CNTN5: variants seen among roughly 807,000 people sequenced by gnomAD.
CNTN5 encodes contactin 5, also known as contactin-5.
Under a neutral mutation model 129.1 loss-of-function variants are expected in CNTN5, and 77 were observed. That is an observed-to-expected ratio of 0.60 (90% CI 0.50 to 0.72). CNTN5 has a LOEUF of 0.72. CNTN5 is among the 30% of genes least tolerant of loss of function. The pLI is 0.00. For synonymous variants in CNTN5, 509 were observed against 465.6 expected (o/e 1.09, Z -1.20); for missense variants, 1,478 against 1,328.8 (o/e 1.11, Z -1.75).
At position 99,111,141 on chromosome 11, in the gene CNTN5, A is replaced by G. The variant is rs78945678; in HGVS notation, c.-210+89871A>G. On this transcript the variant is annotated intron_variant, in intron 1 of 24. Transcript: ENST00000524871. The stretch of plus-strand genomic sequence containing the variant: ...TGAGAATTTAAGATGCTATTAAAAT[A>G]TTATCAATAATTTCAATATGGTGAA... 7.5e-3 allele frequency among the ~76,000 whole-genome samples: 1,147 copies of G among 152,286 alleles called. 18 individuals are homozygous for G. The highest frequency in any genetic ancestry group is 0.025 in the African/African-American group (1,047 of 41,576).
At chr11:99,981,077 G>GAGATACAT (rs1555171289) in intron 8 of CNTN5, among the ~76,000 whole-genome samples, 2 of 57,594 alleles carry the variant, frequency 3.5e-5, no homozygotes, top group East Asian at 1.2e-3. Context: ...GAGCCAATAG[G>GAGATACAT]ATATATATAT....
At chr11:99,338,588 C>T (rs964186811) in intron 2 of CNTN5, among the ~76,000 whole-genome samples, 1 of 151,740 alleles carries the variant, frequency 6.6e-6, no homozygotes, top group African/African-American at 2.4e-5. Flanking sequence ...TTTTAATCTC[C>T]CTGATTCTGT....
At chr11:99,652,523 G>A (rs1338670595) in intron 3 of CNTN5, among the ~76,000 whole-genome samples, 5 of 151,950 alleles carry the variant, frequency 3.3e-5, no homozygotes, top group African/African-American at 4.8e-5. Context: ...TACATCTCAC[G>A]ATCCTGTCAA....
chr11:99,384,743 T>C (rs1350239850), intron 2 of CNTN5, among the ~76,000 whole-genome samples: 1 of 152,208 alleles, frequency 6.6e-6, no homozygotes, highest in South Asian at 2.1e-4. Context: ...CTTTACTATA[T>C]GTTTGCTTTT....
Position 99,538,363 on chromosome 11 carries a change from A to G in CNTN5, c.-70-17782A>G, listed in dbSNP as rs557731338. ...AGTCTGTTTTAATAATAGGACGAAT[A>G]AAAAGATTTCCAATCCACTTCAATG... On this transcript the variant is annotated intron_variant, in intron 2 of 24. Coordinates refer to ENST00000524871, the MANE Select transcript of CNTN5 (RefSeq NM_014361.4). Among the ~76,000 whole-genome samples, 5 of 152,260 alleles carry G rather than the reference A, an allele frequency of 3.3e-5. No homozygotes were observed. The East Asian group carries it at 9.7e-4, about 29-fold the overall frequency.
intron 1 of CNTN5, among the ~76,000 whole-genome samples, chr11:99,116,865 A>G (rs564376151): frequency 1.3e-5 from 2 of 152,288 alleles, no homozygotes; most frequent in African/African-American, 4.8e-5. Flanking sequence ...AGGGCATCCA[A>G]GTAAATAGAG....
chr11:99,792,128 A>T (rs935694799), intron 3 of CNTN5, among the ~76,000 whole-genome samples: 3 of 152,064 alleles, frequency 2.0e-5, no homozygotes, highest in African/African-American at 4.8e-5. Flanking sequence ...AGGATCTCCA[A>T]TACTATGTTT....
intron 2 of CNTN5, among the ~76,000 whole-genome samples, chr11:99,505,261 A>G (rs1946575224): frequency 1.3e-5 from 2 of 152,208 alleles, no homozygotes; most frequent in South Asian, 4.1e-4. Flanking sequence ...AACATTTTAA[A>G]AAAAGACATG....
Position 99,717,549 on chromosome 11 carries a change from G to A in CNTN5, c.56-101995G>A, listed in dbSNP as rs140777633. On this transcript the variant is annotated intron_variant, in intron 3 of 24. Coordinates refer to ENST00000524871, the MANE Select transcript of CNTN5 (RefSeq NM_014361.4). Reference sequence around the variant, plus strand: ...GTTTGCATGTGTGTGTGTTTGTTCAGTTTTGATTGTTTAAATTTTTTAATT... The same window carrying A: ...GTTTGCATGTGTGTGTGTTTGTTCAATTTTGATTGTTTAAATTTTTTAATT... Among the ~76,000 whole-genome samples, 397 of 152,074 alleles carry A rather than the reference G, an allele frequency of 2.6e-3. 2 individuals are homozygous for A. Among genetic ancestry groups the A allele is most frequent in the African/African-American group, 8.2e-3 (340 of 41,530 alleles).
intron 2 of CNTN5, among the ~76,000 whole-genome samples, chr11:99,348,379 A>G (rs977773055): frequency 1.3e-5 from 2 of 152,220 alleles, no homozygotes; most frequent in Non-Finnish European, 2.9e-5. Context: ...GAAGTAATTC[A>G]AGTATGACTG....
At chr11:100,069,140 T>C (rs1169467761) in intron 10 of CNTN5, among the ~76,000 whole-genome samples, 1 of 151,984 alleles carries the variant, frequency 6.6e-6, no homozygotes, top group Non-Finnish European at 1.5e-5. Flanking sequence ...CATGCATGTG[T>C]AGTTTTCTTT....
In CNTN5 at chr11:100,061,221, A is replaced by G. The variant is rs1943462868; in HGVS notation, c.990A>G (p.Pro330=). 6.2e-7 allele frequency: 1 copy of G among 1,608,342 alleles called. No homozygotes were observed. Among genetic ancestry groups the G allele is most frequent in the African/African-American group, 1.3e-5 (1 of 74,970 alleles). ...MECFALGNPV[P]TITWMKVNGY... ...TTGTTCCCTATCGTAGCCCCGTTCC[A>G]ACAATCACATGGATGAAGGTTAATG... The change falls in exon 10 of 25, where the codon CCA becomes CCG. Residue 330 remains proline, a synonymous_variant. Transcript: ENST00000524871.
At position 99,962,870 on chromosome 11, in the gene CNTN5, T is replaced by G. The variant is rs553053748; in HGVS notation, c.877+5861T>G. 3.1e-3 allele frequency among the ~76,000 whole-genome samples: 460 copies of G among 150,810 alleles called. 3 individuals are homozygous for G. Among genetic ancestry groups the G allele is most frequent in the Non-Finnish European group, 5.2e-3 (353 of 67,822 alleles). ...CCATTCTAACTGGTGTGAGATGATA[T>G]CTCATTGTGGTTTTGATTTGCATTT... On this transcript the variant is annotated intron_variant, in intron 8 of 24. Coordinates refer to ENST00000524871, the MANE Select transcript of CNTN5 (RefSeq NM_014361.4).
At position 100,271,066 on chromosome 11, in the gene CNTN5, A is replaced by G. The variant is rs758185209; in HGVS notation, c.2165-26A>G. 7.0e-6 allele frequency: 11 copies of G among 1,567,360 alleles called. No individual in the cohort carries two copies. The East Asian group carries it at 2.0e-4, about 29-fold the overall frequency. Reference sequence around the variant, plus strand: ...TAGCATTTTTCTAGTCCTCATAATGACATGAAATTTCCTTCCTTTCTATAG... The same window carrying G: ...TAGCATTTTTCTAGTCCTCATAATGGCATGAAATTTCCTTCCTTTCTATAG... On this transcript the variant is annotated intron_variant, in intron 17 of 24. Transcript: ENST00000524871.
At chr11:99,776,256 A>T (rs1043790786) in intron 3 of CNTN5, among the ~76,000 whole-genome samples, 2 of 152,006 alleles carry the variant, frequency 1.3e-5, no homozygotes, top group Non-Finnish European at 2.9e-5. Flanking sequence ...AGCATCCTGT[A>T]GGAGTACAGA....
At chr11:99,843,179 G>C (rs969902921) in intron 4 of CNTN5, among the ~76,000 whole-genome samples, 2 of 152,140 alleles carry the variant, frequency 1.3e-5, no homozygotes, top group African/African-American at 2.4e-5. Flanking sequence ...AGCCAAGATC[G>C]TGCCACTGCT....
At chr11:99,648,322 A>G (rs1952038967) in intron 3 of CNTN5, among the ~76,000 whole-genome samples, 1 of 151,592 alleles carries the variant, frequency 6.6e-6, no homozygotes, top group Non-Finnish European at 1.5e-5. Context: ...AAAAATGTTC[A>G]GCATTACTAA....
chr11:100,274,872 C>A (rs538667195), intron 18 of CNTN5, among the ~76,000 whole-genome samples: 1 of 152,216 alleles, frequency 6.6e-6, no homozygotes, highest in Non-Finnish European at 1.5e-5. Flanking sequence ...CGACCCGATA[C>A]TCCCATTACT....
chr11:99,665,263 T>A (rs1952742036), intron 3 of CNTN5, among the ~76,000 whole-genome samples: 1 of 152,134 alleles, frequency 6.6e-6, no homozygotes, highest in South Asian at 2.1e-4. Context: ...AACTGAACAA[T>A]TTTGATGTGA....
Sources: allele counts gnomAD v4.1 joint callset (sites outside exome capture counted in the v4.1 genomes callset), GRCh38; gene constraint gnomAD v4.1.1; transcripts MANE v1.5; gene names NCBI Gene and HGNC (gene_info 2026-07-23, HGNC 2026-07-21).